The following CHST11 variants were observed in gnomAD, a reference collection of about 807,000 sequenced individuals.
CHST11 encodes the protein C4S-1.
A neutral mutation model predicts 30.4 loss-of-function variants in CHST11; 9 were observed. The observed-to-expected ratio is 0.30, with a 90% CI of 0.18 to 0.52. The LOEUF (loss-of-function observed/expected upper bound fraction) is 0.52, where lower values mean the gene tolerates loss of function less well. Among genes scored for constraint, CHST11 ranks in the 20% least tolerant of loss-of-function variants. The pLI is 0.97. For missense variants in CHST11, 348 were observed against 460.6 expected, an observed-to-expected ratio of 0.76 and a Z score of 2.24; for synonymous variants, 152 against 187.8, an observed-to-expected ratio of 0.81 and a Z score of 1.56.
intron 1 of CHST11, among the ~76,000 whole-genome samples, chr12:104,548,265 G>C (rs1361600625): frequency 6.6e-6 from 1 of 152,230 alleles, no homozygotes; most frequent in African/African-American, 2.4e-5. Flanking sequence ...AGGAGGCAAG[G>C]AGGCAGGGAG....
intron 2 of CHST11, among the ~76,000 whole-genome samples, chr12:104,748,559 G>A (rs375454134): frequency 1.3e-5 from 2 of 151,738 alleles, no homozygotes; most frequent in Admixed American, 6.6e-5. Flanking sequence ...GGGGAGGGGG[G>A]AGATTAAGAG....
At chr12:104,459,918 G>A (rs2037391025) in intron 1 of CHST11, among the ~76,000 whole-genome samples, 1 of 152,168 alleles carries the variant, frequency 6.6e-6, no homozygotes, top group Non-Finnish European at 1.5e-5. Context: ...TCAGTTGAAA[G>A]GCCTTCCTTA....
intron 2 of CHST11, among the ~76,000 whole-genome samples, chr12:104,632,782 G>A (rs1308091297): frequency 6.6e-6 from 1 of 152,168 alleles, no homozygotes; most frequent in East Asian, 1.9e-4. Context: ...TGCAGGAGGC[G>A]CCCACTCGTT....
intron 1 of CHST11, among the ~76,000 whole-genome samples, chr12:104,586,107 G>C (rs2038802061): frequency 6.6e-6 from 1 of 152,220 alleles, no homozygotes. Flanking sequence ...GCACGTCACA[G>C]TGGATTGTAC....
chr12:104,478,154 C>G (rs1037171281), intron 1 of CHST11, among the ~76,000 whole-genome samples: 3 of 152,102 alleles, frequency 2.0e-5, no homozygotes, highest in Admixed American at 2.0e-4. Context: ...TTTCTTCTTG[C>G]AAAAGTGAAA....
intron 1 of CHST11, among the ~76,000 whole-genome samples, chr12:104,487,115 C>G (rs1031456050): frequency 6.6e-6 from 1 of 152,208 alleles, no homozygotes; most frequent in African/African-American, 2.4e-5. Flanking sequence ...CTAAAAATAG[C>G]CTTCTTTCCA....
chr12:104,543,320 A>G (rs1222437849), intron 1 of CHST11, among the ~76,000 whole-genome samples: 4 of 152,236 alleles, frequency 2.6e-5, no homozygotes, highest in Non-Finnish European at 5.9e-5. Context: ...GCCCACGCCC[A>G]ACATTAGACG....
chr12:104,549,253 C>T (rs2038382450), intron 1 of CHST11, among the ~76,000 whole-genome samples: 1 of 152,168 alleles, frequency 6.6e-6, no homozygotes, highest in Non-Finnish European at 1.5e-5. Context: ...ATGTCAACTG[C>T]AAAGTTCCTT....
At chr12:104,511,053 T>C (rs1446880196) in intron 1 of CHST11, among the ~76,000 whole-genome samples, 1 of 152,148 alleles carries the variant, frequency 6.6e-6, no homozygotes, top group Non-Finnish European at 1.5e-5. Context: ...GGGAGATAAA[T>C]TTTCTAGACT....
At chr12:104,461,989 C>A (rs1203710114) in intron 1 of CHST11, among the ~76,000 whole-genome samples, 1 of 151,396 alleles carries the variant, frequency 6.6e-6, no homozygotes, top group Non-Finnish European at 1.5e-5. Context: ...CATGGTGAAT[C>A]CCCGTCTCTA....
rs749020876 is a variant in CHST11 at position 104,757,236 on chromosome 12, G to A, written c.492G>A (p.Leu164=). 6.2e-6 allele frequency: 10 copies of A among 1,614,132 alleles called. No homozygotes were observed. The South Asian group carries it at 1.1e-4, about 18-fold the overall frequency. The change falls in exon 3 of 3, where the codon CTG becomes CTA. Residue 164 remains leucine, a synonymous_variant. Coordinates refer to ENST00000303694, the MANE Select transcript of CHST11 (RefSeq NM_018413.6). This position sits in a 1 kb window ranked among gnomAD's most constrained non-coding sequence, Gnocchi z 6.5. The stretch of plus-strand genomic sequence containing the variant: ...ACGTCTCCGCCAACCTGAAGACCCT[G>A]AACCAGTACAGCATCCCAGAAATCA... ...EAHVSANLKT[L]NQYSIPEINH...
chr12:104,488,517 G>GTA (rs1313522903), intron 1 of CHST11, among the ~76,000 whole-genome samples: 7 of 151,744 alleles, frequency 4.6e-5, no homozygotes, highest in Non-Finnish European at 1.0e-4. Context: ...ATATGTGTGT[G>GTA]TATCTCTGTG....
chr12:104,751,074 C>T (rs190050964), intron 2 of CHST11, among the ~76,000 whole-genome samples: 1 of 152,074 alleles, frequency 6.6e-6, no homozygotes, highest in East Asian at 1.9e-4. Context: ...CCTCAAATAC[C>T]AGGTTTAAAA....
intron 2 of CHST11, among the ~76,000 whole-genome samples, chr12:104,690,023 A>G (rs1592840558): frequency 1.3e-5 from 2 of 152,296 alleles, no homozygotes; most frequent in East Asian, 3.9e-4. Flanking sequence ...AATATTTTCA[A>G]TTTGTCTAAT....
At chr12:104,631,192 T>C (rs2039266516) in intron 2 of CHST11, among the ~76,000 whole-genome samples, 1 of 152,198 alleles carries the variant, frequency 6.6e-6, no homozygotes, top group South Asian at 2.1e-4. Context: ...GAATACTGGC[T>C]GGTTGGGGGA....
intron 1 of CHST11, among the ~76,000 whole-genome samples, chr12:104,490,708 T>C (rs2037736658): frequency 6.6e-6 from 1 of 152,188 alleles, no homozygotes; most frequent in African/African-American, 2.4e-5. Context: ...AGTGGGCTTT[T>C]TTCACCCTTT....
Position 104,709,990 on chromosome 12 carries a change from A to G in CHST11, c.205-46959A>G, listed in dbSNP as rs12099958. 2.2e-3 allele frequency among the ~76,000 whole-genome samples: 333 copies of G among 152,184 alleles called. 1 individual carries two copies. Among genetic ancestry groups the G allele is most frequent in the African/African-American group, 7.5e-3 (312 of 41,518 alleles). On this transcript the variant is annotated intron_variant, in intron 2 of 2. Coordinates refer to ENST00000303694, the MANE Select transcript of CHST11 (RefSeq NM_018413.6). ...GGTGGGAGGATCACTTCAGTCCAGG[A>G]GTTTGAGACCAGCCTGGGGAACACA...
At chr12:104,687,784 C>A (rs2039862689) in intron 2 of CHST11, among the ~76,000 whole-genome samples, 1 of 152,128 alleles carries the variant, frequency 6.6e-6, no homozygotes, top group Non-Finnish European at 1.5e-5. Flanking sequence ...CCGCCCCCCC[C>A]AAAATTTTTT....
intron 1 of CHST11, among the ~76,000 whole-genome samples, chr12:104,476,082 A>G (rs1472031530): frequency 6.9e-6 from 1 of 144,410 alleles, no homozygotes; most frequent in East Asian, 1.9e-4. Flanking sequence ...GTAGTTATAT[A>G]TGTATAAATT....
Sources: gnomAD v4.1 joint callset for allele counts (sites outside exome capture counted in the v4.1 genomes callset) on GRCh38, gnomAD v4.1.1 for gene constraint, Gnocchi (gnomAD v3.1) non-coding constraint, MANE v1.5 for transcripts, NCBI Gene and HGNC (gene_info 2026-07-23, HGNC 2026-07-21) for gene names.